The following THADA variants were observed in gnomAD, a reference collection of about 807,000 sequenced individuals.
THADA encodes THADA armadillo repeat containing.
A neutral mutation model predicts 219.8 loss-of-function variants in THADA; 213 were observed. The ratio of observed to expected loss-of-function variants is 0.97; its 90% CI spans 0.87 to 1.09. The LOEUF is 1.09. THADA is among the 50% of genes least tolerant of loss of function. The pLI, the probability that THADA is intolerant of heterozygous loss-of-function variation, is 0.00. For synonymous variants in THADA, 1,018 were observed against 828.9 expected (o/e 1.23, Z -3.92); for missense variants, 2,956 against 2,311.3 (o/e 1.28, Z -5.72).
intron 28 of THADA, among the ~76,000 whole-genome samples, chr2:43,415,141 G>A (rs1676777338): frequency 6.6e-6 from 1 of 152,072 alleles, no homozygotes; most frequent in African/African-American, 2.4e-5. Flanking sequence ...TTCATACTAT[G>A]GCATAAATGA....
At chr2:43,428,374 G>T in intron 27 of THADA, 143 bp from the exon 28 acceptor site, 2 of 697,498 alleles carry the variant, frequency 2.9e-6, no homozygotes, top group South Asian at 3.6e-5. Context: ...TTGGGAGGCC[G>T]AGGCGGATGG....
chr2:43,460,826 C>A (rs1310016165), intron 26 of THADA, among the ~76,000 whole-genome samples: 1 of 152,174 alleles, frequency 6.6e-6, no homozygotes, highest in Non-Finnish European at 1.5e-5. Context: ...TCCAGGAAAG[C>A]CAGTTTCACA....
intron 29 of THADA, among the ~76,000 whole-genome samples, chr2:43,378,681 C>T (rs977160648): frequency 3.9e-5 from 6 of 152,310 alleles, no homozygotes; most frequent in African/African-American, 1.4e-4. Flanking sequence ...TCTGGGCTCA[C>T]TGCAACCTCC....
In THADA at chr2:43,409,924, G is replaced by C. The variant is rs554206967; in HGVS notation, c.4059-11785C>G. ...CCTAGCTACTCAGGAGGCTGAGGTA[G>C]GAGGATTGCTTGAGCCTAGGAGGTT... On this transcript the variant is annotated intron_variant, in intron 28 of 37. Coordinates refer to ENST00000405975, the MANE Select transcript of THADA (RefSeq NM_022065.5). Among the ~76,000 whole-genome samples the C allele has an allele frequency of 1.1e-3, 166 of 152,084 alleles. 1 individual carries two copies. Among genetic ancestry groups the C allele is most frequent in the African/African-American group, 3.9e-3 (163 of 41,484 alleles).
chr2:43,273,248 G>A (rs916150352), intron 36 of THADA, among the ~76,000 whole-genome samples: 10 of 148,478 alleles, frequency 6.7e-5, no homozygotes, highest in Non-Finnish European at 1.2e-4. Flanking sequence ...GTGAAACTCT[G>A]TCTCAACAAC....
intron 26 of THADA, among the ~76,000 whole-genome samples, chr2:43,431,278 C>A (rs1472571805): frequency 6.6e-6 from 1 of 152,112 alleles, no homozygotes; most frequent in East Asian, 1.9e-4. Flanking sequence ...TACCATTCAA[C>A]CCACACATAC....
intron 26 of THADA, among the ~76,000 whole-genome samples, chr2:43,443,022 C>T (rs757612098): frequency 6.6e-5 from 10 of 152,188 alleles, no homozygotes; most frequent in Non-Finnish European, 1.2e-4. Flanking sequence ...TACCTGTCCT[C>T]GGTTGTACAC....
chr2:43,496,730 G>A lies in THADA; in HGVS notation c.3744+2103C>T, dbSNP rs116158854. On this transcript the variant is annotated intron_variant, in intron 25 of 37. Coordinates refer to ENST00000405975, the MANE Select transcript of THADA (RefSeq NM_022065.5). ...TGGAACTTGTGCATGGCTGATGGGAGTATAAAATGGTGCTGCTGCTGGGGA... is the reference window on the plus strand; with the variant it reads ...TGGAACTTGTGCATGGCTGATGGGAATATAAAATGGTGCTGCTGCTGGGGA... Among the ~76,000 whole-genome samples, 553 of 152,010 alleles carry A rather than the reference G, an allele frequency of 3.6e-3. 2 individuals carry two copies. The highest frequency in any genetic ancestry group is 0.013 in the African/African-American group (528 of 41,484).
At chr2:43,338,242 C>T (rs536648875) in intron 30 of THADA, among the ~76,000 whole-genome samples, 48 of 151,424 alleles carry the variant, frequency 3.2e-4, no homozygotes, top group African/African-American at 1.2e-3. Context: ...CTGCAACTTC[C>T]ATCTCCCAGG....
intron 26 of THADA, among the ~76,000 whole-genome samples, chr2:43,464,965 C>A (rs908229389): frequency 6.6e-6 from 1 of 152,070 alleles, no homozygotes; most frequent in African/African-American, 2.4e-5. Flanking sequence ...GGGGAAAAAA[C>A]CCTGCCGGCA....
intron 20 of THADA, among the ~76,000 whole-genome samples, chr2:43,548,754 T>C (rs1696379970): frequency 6.6e-6 from 1 of 152,186 alleles, no homozygotes; most frequent in Non-Finnish European, 1.5e-5. Context: ...TGACCCGATT[T>C]TCCAGGTACC....
At chr2:43,358,041 G>C (rs1381621608) in intron 29 of THADA, among the ~76,000 whole-genome samples, 1 of 151,918 alleles carries the variant, frequency 6.6e-6, no homozygotes, top group Non-Finnish European at 1.5e-5. Flanking sequence ...ACTGACATAG[G>C]CACAGTATTA....
At chr2:43,529,133 C>T (rs1693548335) in intron 21 of THADA, among the ~76,000 whole-genome samples, 1 of 151,214 alleles carries the variant, frequency 6.6e-6, no homozygotes, top group Non-Finnish European at 1.5e-5. Context: ...CAAGATTAGA[C>T]AAATAACAAA....
intron 26 of THADA, among the ~76,000 whole-genome samples, chr2:43,476,093 G>A (rs1195873495): frequency 2.0e-5 from 3 of 152,124 alleles, no homozygotes; most frequent in African/African-American, 4.8e-5. Flanking sequence ...CCCAACTGAT[G>A]AATCCTATTA....
chr2:43,548,430 T>A (rs1696331204), intron 20 of THADA, among the ~76,000 whole-genome samples: 1 of 152,180 alleles, frequency 6.6e-6, no homozygotes. Flanking sequence ...TCTGCAGAGG[T>A]TACTGCTGTC....
At chr2:43,592,245 G>T in intron 2 of THADA, 72 bp downstream of exon 2, 1 of 1,118,740 alleles carries the variant, frequency 8.9e-7, no homozygotes, top group Non-Finnish European at 1.3e-6. Context: ...ATATGCTAGG[G>T]GTCCCAGTCA....
chr2:43,348,647 G>T (rs932120553), intron 29 of THADA, among the ~76,000 whole-genome samples: 1 of 152,130 alleles, frequency 6.6e-6, no homozygotes, highest in African/African-American at 2.4e-5. Context: ...TGCAGAGGCA[G>T]GGCTTGGCAA....
At chr2:43,551,545 T>G (rs923676297) in intron 19 of THADA, among the ~76,000 whole-genome samples, 1 of 151,908 alleles carries the variant, frequency 6.6e-6, no homozygotes, top group Non-Finnish European at 1.5e-5. Flanking sequence ...ATAACTCAAG[T>G]TACCCTGGGG....
At chr2:43,367,564 T>C (rs978119318) in intron 29 of THADA, among the ~76,000 whole-genome samples, 1 of 152,214 alleles carries the variant, frequency 6.6e-6, no homozygotes, top group Non-Finnish European at 1.5e-5. Flanking sequence ...CTTTGACTTC[T>C]TTTAATCCTT....
Sources: allele counts gnomAD v4.1 joint callset (sites outside exome capture counted in the v4.1 genomes callset), GRCh38; gene constraint gnomAD v4.1.1; transcripts MANE v1.5; gene names NCBI Gene and HGNC (gene_info 2026-07-23, HGNC 2026-07-21).